FAM107A: variants seen among roughly 807,000 people sequenced by gnomAD.
The protein encoded by FAM107A is family with sequence similarity 107 member A.
FAM107A carries 19 observed loss-of-function variants against 13.7 expected under a neutral mutation model. That is an observed-to-expected ratio of 1.38 (90% CI 0.97 to 2.03). FAM107A has a LOEUF of 2.03. FAM107A is among the 30% of genes most tolerant of loss of function. The pLI is 0.00. For synonymous variants in FAM107A, 82 were observed against 74.5 expected (o/e 1.10, Z -0.52); for missense variants, 203 against 184.4 (o/e 1.10, Z -0.58).
intron 1 of FAM107A, among the ~76,000 whole-genome samples, chr3:58,596,410 G>T (rs1334125231): frequency 6.6e-6 from 1 of 151,900 alleles, no homozygotes; most frequent in Admixed American, 6.6e-5. Context: ...GGGTGCGGTG[G>T]CTCACGCCTG....
intron 1 of FAM107A, among the ~76,000 whole-genome samples, chr3:58,605,844 A>G (rs1054455815): frequency 1.3e-5 from 2 of 152,220 alleles, no homozygotes; most frequent in African/African-American, 4.8e-5. Context: ...GCACAGTAGT[A>G]GACCCAAGAA....
intron 1 of FAM107A, among the ~76,000 whole-genome samples, chr3:58,614,909 G>T (rs1365422373): frequency 6.6e-6 from 1 of 152,196 alleles, no homozygotes; most frequent in Non-Finnish European, 1.5e-5. Context: ...GGGTTCAAGT[G>T]ATTCTACCAC....
intron 1 of FAM107A, among the ~76,000 whole-genome samples, chr3:58,624,018 C>T (rs751833002): frequency 5.3e-5 from 8 of 152,180 alleles, no homozygotes; most frequent in Non-Finnish European, 7.3e-5. Flanking sequence ...GGGTGGAGGA[C>T]GGCGTGCCCA....
intron 1 of FAM107A, among the ~76,000 whole-genome samples, chr3:58,584,505 T>G (rs2065582400): frequency 6.6e-6 from 1 of 152,180 alleles, no homozygotes; most frequent in South Asian, 2.1e-4. Flanking sequence ...TACCTCTTTG[T>G]GGGGTAGAAA....
intron 1 of FAM107A, among the ~76,000 whole-genome samples, chr3:58,600,273 C>T (rs1207146880): frequency 6.6e-6 from 1 of 152,130 alleles, no homozygotes; most frequent in Non-Finnish European, 1.5e-5. Flanking sequence ...ACTGTTTACC[C>T]CATTTTACAG....
At chr3:58,586,831 G>A (rs1208862479) in intron 1 of FAM107A, 4 of 1,518,376 alleles carry the variant, frequency 2.6e-6, no homozygotes. Flanking sequence ...CACTTCCCGC[G>A]GCGAGGGTGG....
At chr3:58,625,245 C>T (rs1454266550) in intron 1 of FAM107A, among the ~76,000 whole-genome samples, 1 of 152,112 alleles carries the variant, frequency 6.6e-6, no homozygotes, top group African/African-American at 2.4e-5. Flanking sequence ...GTCGCACGTG[C>T]CCCGTAGTGT....
chr3:58,626,845 C>T, intron 1 of FAM107A: 1 of 880,070 alleles, frequency 1.1e-6, no homozygotes, highest in Non-Finnish European at 1.8e-6. Context: ...GCTGTGAGTT[C>T]CAGGGGGAGG....
At chr3:58,626,879 G>A in intron 1 of FAM107A, 6 of 1,271,314 alleles carry the variant, frequency 4.7e-6, no homozygotes, top group East Asian at 2.5e-5. Context: ...GCCGGCTGAA[G>A]CTGCAGGGTA....
chr3:58,598,447 C>A (rs2065725297), intron 1 of FAM107A, among the ~76,000 whole-genome samples: 1 of 152,260 alleles, frequency 6.6e-6, no homozygotes, highest in East Asian at 1.9e-4. Flanking sequence ...TCTCAGAGAC[C>A]CAGAAAACTG....
upstream of FAM107A, among the ~76,000 whole-genome samples, chr3:58,589,435 G>A (rs1046170053): frequency 6.6e-6 from 1 of 152,166 alleles, no homozygotes; most frequent in African/African-American, 2.4e-5. Context: ...GAATGGATGT[G>A]TGTGTGTGTG....
At chr3:58,608,624 T>C (rs2065821764) in intron 1 of FAM107A, among the ~76,000 whole-genome samples, 1 of 152,184 alleles carries the variant, frequency 6.6e-6, no homozygotes, top group Non-Finnish European at 1.5e-5. Flanking sequence ...ATTTGCCTTC[T>C]GGAGCTGGAA....
At chr3:58,587,062 T>G in exon 1 of FAM107A, 2 of 1,361,082 alleles carry the variant, frequency 1.5e-6, no homozygotes, top group Non-Finnish European at 1.9e-6. Context: ...CCGCTGAGGG[T>G]CAAGTTACGG....
At chr3:58,584,477 C>T (rs1031053182) in intron 1 of FAM107A, among the ~76,000 whole-genome samples, 2 of 152,098 alleles carry the variant, frequency 1.3e-5, no homozygotes, top group African/African-American at 4.8e-5. Flanking sequence ...GGATGGACCG[C>T]AGTTTGAATG....
chr3:58,601,405 C>T (rs935622563), intron 1 of FAM107A, among the ~76,000 whole-genome samples: 1 of 152,154 alleles, frequency 6.6e-6, no homozygotes, highest in African/African-American at 2.4e-5. Flanking sequence ...CTGAATGTGC[C>T]AGGCTACACC....
At chr3:58,571,626 G>A (rs1413227065) in intron 1 of FAM107A, among the ~76,000 whole-genome samples, 1 of 152,160 alleles carries the variant, frequency 6.6e-6, no homozygotes, top group Non-Finnish European at 1.5e-5. Context: ...TATTGTCTGT[G>A]GGATCAAGCT....
intron 1 of FAM107A, among the ~76,000 whole-genome samples, chr3:58,614,205 C>T (rs562735116): frequency 2.0e-5 from 3 of 152,234 alleles, no homozygotes; most frequent in South Asian, 2.1e-4. Flanking sequence ...ATTTCTGTGC[C>T]GCCAGGTCCT....
intron 1 of FAM107A, among the ~76,000 whole-genome samples, chr3:58,623,559 T>G (rs1374961087): frequency 6.6e-6 from 1 of 152,212 alleles, no homozygotes; most frequent in Admixed American, 6.5e-5. Context: ...GCTTGACAGC[T>G]GAGGAAACTG....
chr3:58,589,956 T>C (rs971828962), upstream of FAM107A, among the ~76,000 whole-genome samples: 1 of 152,208 alleles, frequency 6.6e-6, no homozygotes, highest in Non-Finnish European at 1.5e-5. Context: ...AAAGTCCTCA[T>C]TCTTCAAGGG....
Sources: gnomAD v4.1 joint callset for allele counts (sites outside exome capture counted in the v4.1 genomes callset) on GRCh38, gnomAD v4.1.1 for gene constraint, MANE v1.5 for transcripts, NCBI Gene and HGNC (gene_info 2026-07-23, HGNC 2026-07-21) for gene names.